The following HEATR4 variants were observed in gnomAD, a reference collection of about 807,000 sequenced individuals.
HEATR4 encodes the protein HEAT repeat containing 4.
A neutral mutation model predicts 108.8 loss-of-function variants in HEATR4; 95 were observed. The observed-to-expected ratio is 0.87, with a 90% CI of 0.74 to 1.04. The LOEUF is 1.04. Among genes scored for constraint, HEATR4 ranks in the 50% least tolerant of loss-of-function variants. The probability of loss-of-function intolerance (pLI) is 0.00; values close to 1 mark genes in which losing one functional copy is unlikely to be tolerated. For synonymous variants in HEATR4, 443 were observed against 459.4 expected (o/e 0.96, Z 0.46); for missense variants, 1,152 against 1,253.8 (o/e 0.92, Z 1.23).
At chr14:73,570,409 A>T in the HEATR4 span, among the ~76,000 whole-genome samples, 1 of 151,914 alleles carries the variant, frequency 6.6e-6, no homozygotes, top group South Asian at 2.1e-4. Flanking sequence ...CTCTACTAAA[A>T]ATACAAAACA....
the HEATR4 span, among the ~76,000 whole-genome samples, chr14:73,584,499 T>A: frequency 1.3e-5 from 2 of 149,990 alleles, no homozygotes; most frequent in African/African-American, 4.9e-5. Flanking sequence ...GAGGGTCTCC[T>A]CCCATCTCCT....
In HEATR4 at chr14:73,554,411, T is replaced by C. The variant is rs1218510184; in HGVS notation, c.-152+4340A>G. On this transcript the variant is annotated intron_variant, in intron 1 of 17. Transcript: ENST00000553558. ...GTTTGATGGGCAGTATGCCATATTA[T>C]ACCCAAAGTTCGTTTAAAAAATATT... is the stretch of plus-strand genomic sequence containing the variant. Among the ~76,000 whole-genome samples the C allele has an allele frequency of 1.7e-5, 2 of 116,210 alleles. 1 individual carries two copies. The highest frequency in any genetic ancestry group is 3.8e-5 in the Non-Finnish European group (2 of 52,656). 76.2% of individuals were successfully genotyped at this position (116,210 alleles called of 152,430 possible).
the HEATR4 span, among the ~76,000 whole-genome samples, chr14:73,620,974 C>T: frequency 6.6e-6 from 1 of 151,836 alleles, no homozygotes; most frequent in South Asian, 2.1e-4. Context: ...GAGGCTAAGG[C>T]GTGTGGATCA....
At chr14:73,568,715 T>G in the HEATR4 span, among the ~76,000 whole-genome samples, 1 of 151,958 alleles carries the variant, frequency 6.6e-6, no homozygotes, top group African/African-American at 2.4e-5. Context: ...GTCAGGAGTT[T>G]GAGAAATTAC....
chr14:73,614,145 G>A, the HEATR4 span, among the ~76,000 whole-genome samples: 291 of 151,970 alleles, frequency 1.9e-3, 3 homozygotes, highest in Middle Eastern at 0.01. Context: ...AGGTTGCAGT[G>A]AGCTGAGATC....
chr14:73,630,046 C>G, the HEATR4 span, among the ~76,000 whole-genome samples: 4 of 151,160 alleles, frequency 2.6e-5, no homozygotes, highest in South Asian at 8.4e-4. Flanking sequence ...AAATAAAAAA[C>G]AAAAAAATTT....
the HEATR4 span, among the ~76,000 whole-genome samples, chr14:73,598,249 G>T: frequency 6.7e-6 from 1 of 148,958 alleles, no homozygotes; most frequent in South Asian, 2.1e-4. Flanking sequence ...ACATAGCCGG[G>T]TGTGGTGGCA....
chr14:73,589,666 T>G, the HEATR4 span, among the ~76,000 whole-genome samples: 2 of 152,198 alleles, frequency 1.3e-5, no homozygotes, highest in African/African-American at 2.4e-5. Flanking sequence ...CTGACATGTA[T>G]GGCCAGGCAC....
chr14:73,511,515 T>C (rs965671010), intron 7 of HEATR4, among the ~76,000 whole-genome samples: 13 of 142,400 alleles, frequency 9.1e-5, no homozygotes, highest in African/African-American at 3.1e-4. Context: ...CAAGACTCTG[T>C]CTCAAAAATA....
rs369773851 is a variant in HEATR4, at chr14:73,544,840, A to C, written c.-152+13911T>G. On this transcript the variant is annotated intron_variant, in intron 1 of 17. Coordinates refer to ENST00000553558, the MANE Select transcript of HEATR4 (RefSeq NM_001220484.1). ...CTACTGGGGAGGCTGAGGTGGGAGAACTGCTTGAGCCCTGGAGGCAGAGGT... is the reference window on the plus strand; with the variant it reads ...CTACTGGGGAGGCTGAGGTGGGAGACCTGCTTGAGCCCTGGAGGCAGAGGT... Among the ~76,000 whole-genome samples the C allele has an allele frequency of 2.7e-5, 3 of 111,900 alleles. 1 individual carries two copies. Among genetic ancestry groups the C allele is most frequent in the African/African-American group, 8.7e-5 (3 of 34,478 alleles). 73.4% of individuals were successfully genotyped at this position (111,900 alleles called of 152,430 possible).
At chr14:73,591,530 A>C in the HEATR4 span, among the ~76,000 whole-genome samples, 45 of 151,108 alleles carry the variant, frequency 3.0e-4, no homozygotes, top group Non-Finnish European at 3.3e-4. Flanking sequence ...GCGACAGAGG[A>C]GACTCTGTTT....
At chr14:73,482,007 AAAC>A (rs1198663410) in intron 17 of HEATR4, among the ~76,000 whole-genome samples, 1 of 152,136 alleles carries the variant, frequency 6.6e-6, no homozygotes, top group African/African-American at 2.4e-5. Context: ...TCAAAATAAA[AAAC>A]AAAAACAAAA....
the HEATR4 span, among the ~76,000 whole-genome samples, chr14:73,578,052 T>G: frequency 6.6e-6 from 1 of 150,498 alleles, no homozygotes; most frequent in African/African-American, 2.4e-5. Flanking sequence ...AGTTTTGCCA[T>G]GTTGGTCAGA....
At chr14:73,580,431 G>A in the HEATR4 span, among the ~76,000 whole-genome samples, 1 of 152,066 alleles carries the variant, frequency 6.6e-6, no homozygotes, top group Non-Finnish European at 1.5e-5. Context: ...TATAATAAGA[G>A]TGAAGTGTGA....
At chr14:73,600,655 C>T in the HEATR4 span, among the ~76,000 whole-genome samples, 2 of 151,684 alleles carry the variant, frequency 1.3e-5, no homozygotes, top group Non-Finnish European at 2.9e-5. Context: ...TTCACCATGT[C>T]GGCCAATCTG....
At position 73,550,313 on chromosome 14, in the gene HEATR4, T is replaced by C; in HGVS notation, c.-152+8438A>G. Reference sequence around the variant, plus strand: ...AACACAGTGAGCCTCAGCATTCGCATTGTCATTGCGCTCATTCAAGCAAAG... The same window carrying C: ...AACACAGTGAGCCTCAGCATTCGCACTGTCATTGCGCTCATTCAAGCAAAG... On this transcript the variant is annotated intron_variant, in intron 1 of 17. Coordinates refer to ENST00000553558, the MANE Select transcript of HEATR4 (RefSeq NM_001220484.1). Among the ~76,000 whole-genome samples the C allele has an allele frequency of 1.8e-5, 2 of 111,710 alleles. 1 individual carries two copies. The highest frequency in any genetic ancestry group is 3.9e-5 in the Non-Finnish European group (2 of 51,652). 73.3% of individuals were successfully genotyped at this position (111,710 alleles called of 152,430 possible).
chr14:73,570,303 C>G, the HEATR4 span, among the ~76,000 whole-genome samples: 8 of 151,816 alleles, frequency 5.3e-5, no homozygotes, highest in Non-Finnish European at 8.8e-5. Context: ...GGCGCAGTGG[C>G]TCACGCTTGT....
At chr14:73,502,148 A>G (rs112530341) in intron 11 of HEATR4, among the ~76,000 whole-genome samples, 1 of 149,858 alleles carries the variant, frequency 6.7e-6, no homozygotes, top group Non-Finnish European at 1.5e-5. Flanking sequence ...CCTGCTTCAG[A>G]GTCTCAAAGT....
At chr14:73,602,649 G>A in the HEATR4 span, among the ~76,000 whole-genome samples, 1 of 152,162 alleles carries the variant, frequency 6.6e-6, no homozygotes, top group Non-Finnish European at 1.5e-5. Flanking sequence ...GTCCCCCAGG[G>A]ATCCTGGCAG....
Sources: allele counts gnomAD v4.1 joint callset (sites outside exome capture counted in the v4.1 genomes callset), GRCh38; gene constraint gnomAD v4.1.1; transcripts MANE v1.5; gene names NCBI Gene and HGNC (gene_info 2026-07-23, HGNC 2026-07-21).